Variants in DNM3 observed in about 807,000 individuals in gnomAD.
DNM3 encodes the protein dynamin-3.
A neutral mutation model predicts 101.6 loss-of-function variants in DNM3; 47 were observed. The ratio of observed to expected loss-of-function variants is 0.46; its 90% CI spans 0.37 to 0.59. The LOEUF (loss-of-function observed/expected upper bound fraction) is 0.59. Among genes scored for constraint, DNM3 ranks in the 20% least tolerant of loss-of-function variants. The pLI is 0.00. For synonymous variants in DNM3, 385 were observed against 387.9 expected, an observed-to-expected ratio of 0.99 and a Z score of 0.09; for missense variants, 849 against 1,085.7, an observed-to-expected ratio of 0.78 and a Z score of 3.06.
At chr1:172,049,321 T>C (rs543583064) in intron 10 of DNM3, among the ~76,000 whole-genome samples, 2 of 152,280 alleles carry the variant, frequency 1.3e-5, no homozygotes, top group Non-Finnish European at 2.9e-5. Context: ...ATGATGATGA[T>C]AATAGTAATA....
intron 14 of DNM3, among the ~76,000 whole-genome samples, chr1:172,241,602 A>G (rs1321068312): frequency 6.6e-6 from 1 of 152,104 alleles, no homozygotes; most frequent in Non-Finnish European, 1.5e-5. Context: ...AAACTTGCAG[A>G]ACTAGGCTGA....
At chr1:172,125,843 A>G (rs1558609562) in intron 13 of DNM3, among the ~76,000 whole-genome samples, 1 of 152,224 alleles carries the variant, frequency 6.6e-6, no homozygotes. Context: ...AAATTTGAAT[A>G]TAAAATTAAC....
chr1:171,981,429 A>G (rs967474822), intron 2 of DNM3, among the ~76,000 whole-genome samples: 2 of 152,198 alleles, frequency 1.3e-5, no homozygotes, highest in Non-Finnish European at 2.9e-5. Context: ...ACATATACAT[A>G]TTTTTACTCA....
intron 14 of DNM3, among the ~76,000 whole-genome samples, chr1:172,238,898 G>A (rs1350159828): frequency 6.6e-6 from 1 of 151,666 alleles, no homozygotes; most frequent in Non-Finnish European, 1.5e-5. Context: ...AGTTTTTAAT[G>A]TGGAAGAACA....
At chr1:172,347,069 A>G (rs1301205986) in intron 17 of DNM3, among the ~76,000 whole-genome samples, 1 of 152,228 alleles carries the variant, frequency 6.6e-6, no homozygotes, top group East Asian at 1.9e-4. Flanking sequence ...CTGCATAGCC[A>G]CAAGTTTGCC....
chr1:172,173,566 C>A (rs1349909046), intron 14 of DNM3, among the ~76,000 whole-genome samples: 4 of 150,552 alleles, frequency 2.7e-5, no homozygotes, highest in Admixed American at 1.3e-4. Context: ...TGACATCAAG[C>A]AATCCTCCCA....
At chr1:172,284,628 C>T (rs2063626493) in intron 15 of DNM3, among the ~76,000 whole-genome samples, 1 of 152,148 alleles carries the variant, frequency 6.6e-6, no homozygotes, top group Admixed American at 6.5e-5. Context: ...TACAGAATGA[C>T]TTTTCATGTA....
intron 11 of DNM3, among the ~76,000 whole-genome samples, chr1:172,071,086 C>CAT (rs56255511): frequency 0.057 from 3,691 of 64,950 alleles, 176 homozygotes; most frequent in Middle Eastern, 0.1. Context: ...CAAGACCCTG[C>CAT]ATATATATAT....
rs116639685 is a variant in DNM3, at chr1:172,180,033, A to G, written c.1659+48745A>G. ...TACCGTGTCTCTGAGTTCTGAGTCA[A>G]ATTTGCAGTGTTTTTGAAGCAGCAT... On this transcript the variant is annotated intron_variant, in intron 14 of 20. Transcript: ENST00000627582. 2.5e-3 allele frequency among the ~76,000 whole-genome samples: 377 copies of G among 152,046 alleles called. 1 individual carries two copies. Among genetic ancestry groups the G allele is most frequent in the African/African-American group, 8.8e-3 (367 of 41,504 alleles).
chr1:171,991,492 G>T (rs2045627144), intron 4 of DNM3, among the ~76,000 whole-genome samples: 1 of 152,126 alleles, frequency 6.6e-6, no homozygotes, highest in South Asian at 2.1e-4. Context: ...GAGATGCATA[G>T]GGCAATGTAT....
intron 15 of DNM3, among the ~76,000 whole-genome samples, chr1:172,254,863 T>C (rs1472837874): frequency 1.3e-5 from 2 of 152,130 alleles, no homozygotes. Context: ...GAAAATGTTA[T>C]AGGAAAAAGC....
At chr1:171,899,377 G>T (rs2038102023) in intron 1 of DNM3, among the ~76,000 whole-genome samples, 1 of 152,172 alleles carries the variant, frequency 6.6e-6, no homozygotes, top group Admixed American at 6.5e-5. Flanking sequence ...GGTAAGGAAA[G>T]CACTAGTTTT....
At chr1:172,232,324 A>T (rs1179331221) in intron 14 of DNM3, among the ~76,000 whole-genome samples, 1 of 152,208 alleles carries the variant, frequency 6.6e-6, no homozygotes, top group Non-Finnish European at 1.5e-5. Context: ...GATCAATTCA[A>T]CAAGAAGAGC....
intron 14 of DNM3, among the ~76,000 whole-genome samples, chr1:172,205,976 G>T (rs185089949): frequency 6.6e-6 from 1 of 152,044 alleles, no homozygotes; most frequent in East Asian, 1.9e-4. Context: ...AGTATCATGT[G>T]TTGGTCATTT....
In DNM3 at chr1:172,038,523, C is replaced by G; in HGVS notation, c.992+62C>G. On this transcript the variant is annotated intron_variant, in intron 7 of 20. Transcript: ENST00000627582. ...ATCTAATTTCTTTAGTTTTCTATTG[C>G]CTTAGTCTATTTGTCACGTTGCTTC... 2 of 1,582,962 alleles carry G rather than the reference C, an allele frequency of 1.3e-6. 1 individual carries two copies. The highest frequency in any genetic ancestry group is 2.3e-5 in the South Asian group (2 of 85,930).
At chr1:171,921,726 C>T in intron 1 of DNM3, 22 bp from the exon 2 acceptor site, 1 of 1,559,012 alleles carries the variant, frequency 6.4e-7, no homozygotes, top group Non-Finnish European at 8.7e-7. Flanking sequence ...ATGCCTTAAT[C>T]TGTATTTCTT....
chr1:172,034,167 A>G (rs540058742), intron 6 of DNM3, among the ~76,000 whole-genome samples: 57 of 152,280 alleles, frequency 3.7e-4, no homozygotes, highest in African/African-American at 1.3e-3. Flanking sequence ...AAATTTTAGA[A>G]AATAAAAAAT....
At chr1:172,386,847 C>T in intron 18 of DNM3, 1 of 356,656 alleles carries the variant, frequency 2.8e-6, no homozygotes, top group Non-Finnish European at 5.3e-6. Flanking sequence ...GCTCACAAAG[C>T]CAGCAGGCCC....
chr1:172,113,593 C>T, intron 13 of DNM3, among the ~76,000 whole-genome samples: 1 of 124,030 alleles, frequency 8.1e-6, no homozygotes, highest in East Asian at 2.7e-4. Flanking sequence ...GCACTCCAGC[C>T]TGGGCAACAA....
Sources: gnomAD v4.1 joint callset for allele counts (sites outside exome capture counted in the v4.1 genomes callset) on GRCh38, gnomAD v4.1.1 for gene constraint, MANE v1.5 for transcripts, NCBI Gene and HGNC (gene_info 2026-07-23, HGNC 2026-07-21) for gene names.